Variants in PGM5 observed in about 807,000 individuals in gnomAD.
The protein encoded by PGM5 is phosphoglucomutase 5, also known as phosphoglucomutase-like protein 5.
Under a neutral mutation model 59.2 loss-of-function variants are expected in PGM5, and 23 were observed. That is an observed-to-expected ratio of 0.39 (90% CI 0.28 to 0.55). The LOEUF (loss-of-function observed/expected upper bound fraction) is 0.55, where lower values mean the gene tolerates loss of function less well. PGM5 is among the 20% of genes least tolerant of loss of function. The probability of loss-of-function intolerance (pLI) is 0.66; values close to 1 mark genes in which losing one functional copy is unlikely to be tolerated. For synonymous variants in PGM5, 214 were observed against 286.0 expected (o/e 0.75, Z 2.54); for missense variants, 574 against 748.3 (o/e 0.77, Z 2.72).
intron 1 of PGM5, among the ~76,000 whole-genome samples, chr9:68,371,870 CAG>C (rs145453489): frequency 0.028 from 4,299 of 152,236 alleles, 107 homozygotes; most frequent in East Asian, 0.13. Flanking sequence ...GACGTGAAAA[CAG>C]AGGCAGAGAC....
At chr9:68,528,302 T>G (rs1825021583) in intron 10 of PGM5, among the ~76,000 whole-genome samples, 1 of 152,210 alleles carries the variant, frequency 6.6e-6, no homozygotes, top group African/African-American at 2.4e-5. Flanking sequence ...TGGAATGCAG[T>G]TATGCAATCA....
intron 6 of PGM5, among the ~76,000 whole-genome samples, chr9:68,439,054 A>T (rs961631916): frequency 3.9e-5 from 6 of 152,052 alleles, no homozygotes; most frequent in Non-Finnish European, 8.8e-5. Flanking sequence ...CCTACTCATT[A>T]ACCCCATTTC....
intron 3 of PGM5, among the ~76,000 whole-genome samples, chr9:68,385,455 G>T (rs1822193407): frequency 6.6e-6 from 1 of 152,048 alleles, no homozygotes; most frequent in Admixed American, 6.6e-5. Context: ...AATGGATTGT[G>T]TGGGGGGTCA....
chr9:68,464,981 T>C (rs1823910385), intron 6 of PGM5, 112 bp from the exon 7 acceptor site: 2 of 627,672 alleles, frequency 3.2e-6, no homozygotes, highest in Admixed American at 5.8e-5. Flanking sequence ...ACCCAGGTTG[T>C]TCTGAAATCT....
chr9:68,523,725 TCCACA>T (rs1824931421), intron 10 of PGM5, among the ~76,000 whole-genome samples: 1 of 152,178 alleles, frequency 6.6e-6, no homozygotes, highest in African/African-American at 2.4e-5. Flanking sequence ...ATTATCGTCA[TCCACA>T]CCTATTCACT....
At chr9:68,415,174 C>T (rs1303581735) in intron 6 of PGM5, among the ~76,000 whole-genome samples, 1 of 149,016 alleles carries the variant, frequency 6.7e-6, no homozygotes, top group African/African-American at 2.6e-5. Context: ...TCATTCAAGG[C>T]CTACCACTGT....
At chr9:68,473,878 G>T (rs1055679993) in intron 7 of PGM5, among the ~76,000 whole-genome samples, 1 of 152,136 alleles carries the variant, frequency 6.6e-6, no homozygotes, top group African/African-American at 2.4e-5. Context: ...GCTGACTCCA[G>T]TGAGAACCCC....
At chr9:68,496,109 A>C (rs1438621465) in intron 9 of PGM5, among the ~76,000 whole-genome samples, 1 of 152,270 alleles carries the variant, frequency 6.6e-6, no homozygotes, top group East Asian at 1.9e-4. Flanking sequence ...GCCAACCCCT[A>C]GTATAACCTA....
intron 6 of PGM5, among the ~76,000 whole-genome samples, chr9:68,453,525 T>C (rs1218947102): frequency 6.6e-6 from 1 of 152,074 alleles, no homozygotes; most frequent in Non-Finnish European, 1.5e-5. Context: ...TTTTTCTTTT[T>C]TTGAGCCAGG....
At chr9:68,470,863 A>C (rs893128221) in intron 7 of PGM5, among the ~76,000 whole-genome samples, 1 of 152,200 alleles carries the variant, frequency 6.6e-6, no homozygotes, top group African/African-American at 2.4e-5. Context: ...GCATGTGTGC[A>C]TTTCAATCTA....
intron 6 of PGM5, among the ~76,000 whole-genome samples, chr9:68,424,386 T>C (rs1224975997): frequency 1.3e-5 from 2 of 152,212 alleles, no homozygotes; most frequent in African/African-American, 4.8e-5. Flanking sequence ...GGTTTATACA[T>C]GGTTTCTTCT....
intron 9 of PGM5, among the ~76,000 whole-genome samples, chr9:68,484,716 G>A (rs1824266742): frequency 6.6e-6 from 1 of 152,092 alleles, no homozygotes; most frequent in Non-Finnish European, 1.5e-5. Context: ...AATGTTTGTA[G>A]CCTGCAGGTG....
chr9:68,482,785 G>A (rs1824218997), intron 8 of PGM5, among the ~76,000 whole-genome samples: 1 of 152,196 alleles, frequency 6.6e-6, no homozygotes, highest in African/African-American at 2.4e-5. Flanking sequence ...TGGTGGTGAT[G>A]GCAAATAAAA....
chr9:68,440,979 T>C lies in PGM5; in HGVS notation c.1044-24114T>C, dbSNP rs192784913. On this transcript the variant is annotated intron_variant, in intron 6 of 10. Coordinates refer to ENST00000396396, the MANE Select transcript of PGM5 (RefSeq NM_021965.4). ...TAAACATCAGGAGTAAGAATACTAC[T>C]GTAGACCCTTTAGACTTTAAAATAA... 2.4e-3 allele frequency among the ~76,000 whole-genome samples: 369 copies of C among 152,084 alleles called. 5 individuals are homozygous for C. In the East Asian group the frequency reaches 0.057, roughly 24 times the overall value.
intron 1 of PGM5, among the ~76,000 whole-genome samples, chr9:68,366,950 G>A (rs1386345150): frequency 3.3e-5 from 5 of 152,244 alleles, no homozygotes; most frequent in Admixed American, 2.0e-4. Flanking sequence ...ACCAGAAAGC[G>A]CCTGCTGATG....
chr9:68,491,912 C>T (rs1554687898), intron 9 of PGM5, among the ~76,000 whole-genome samples: 1 of 152,186 alleles, frequency 6.6e-6, no homozygotes, highest in Admixed American at 6.5e-5. Flanking sequence ...TCTCATCTCC[C>T]TGTTTCTGGT....
chr9:68,391,343 A>G (rs1299514067), intron 4 of PGM5, among the ~76,000 whole-genome samples, 191 bp from the exon 5 acceptor site: 1 of 152,088 alleles, frequency 6.6e-6, no homozygotes, highest in Non-Finnish European at 1.5e-5. Context: ...CTACCACAGT[A>G]ACTGGCACAT....
At chr9:68,519,523 C>T (rs1224349879) in intron 10 of PGM5, among the ~76,000 whole-genome samples, 2 of 151,780 alleles carry the variant, frequency 1.3e-5, no homozygotes, top group Non-Finnish European at 2.9e-5. Flanking sequence ...TACATAACTT[C>T]TTAAGAGAGG....
chr9:68,445,269 C>T (rs1179102319), intron 6 of PGM5, among the ~76,000 whole-genome samples: 7 of 152,078 alleles, frequency 4.6e-5, no homozygotes, highest in African/African-American at 1.7e-4. Context: ...GATTCTGATC[C>T]ATTCTTTCTG....
Sources: allele counts gnomAD v4.1 joint callset (sites outside exome capture counted in the v4.1 genomes callset), GRCh38; gene constraint gnomAD v4.1.1; transcripts MANE v1.5; gene names NCBI Gene and HGNC (gene_info 2026-07-23, HGNC 2026-07-21).